Variants in PHLDB3 observed in about 807,000 individuals in gnomAD.
PHLDB3 encodes pleckstrin homology-like domain family B member 3.
In PHLDB3, 86 loss-of-function variants were observed where a neutral mutation model predicts 85.7. The observed-to-expected ratio is 1.00, with a 90% CI of 0.84 to 1.20. PHLDB3 has a LOEUF of 1.20. PHLDB3 is among the 50% of genes most tolerant of loss of function. The pLI is 0.00. For missense variants in PHLDB3, 995 were observed against 873.0 expected (o/e 1.14, Z -1.76); for synonymous variants, 376 against 349.8 (o/e 1.07, Z -0.83).
chr19:43,475,210 G>A lies in PHLDB3; in HGVS notation c.*200C>T, dbSNP rs944957035. The A allele has an allele frequency of 1.1e-5, 7 of 661,546 alleles. No individual in the cohort carries two copies. Among genetic ancestry groups the A allele is most frequent in the Admixed American group, 6.3e-5 (2 of 31,568 alleles). 41.0% of individuals were successfully genotyped at this position (661,546 alleles called of 1,614,324 possible). On this transcript the variant is annotated 3_prime_UTR_variant, in exon 16 of 16. Coordinates refer to ENST00000292140, the MANE Select transcript of PHLDB3 (RefSeq NM_198850.4). ...GCCCCGGGCAGGGCCTTAGGGGCCGGCGATCCCGTCGGGGGCAAGGCACCT... is the reference window on the plus strand; with the variant it reads ...GCCCCGGGCAGGGCCTTAGGGGCCGACGATCCCGTCGGGGGCAAGGCACCT...
intron 4 of PHLDB3, chr19:43,501,444 C>CAAAGT: frequency 4.4e-6 from 2 of 455,994 alleles, no homozygotes; most frequent in South Asian, 5.0e-5. Context: ...CTCGGCCTCC[C>CAAAGT]AAAGTGCTAT....
At chr19:43,495,190 G>A (rs1313137218) in intron 8 of PHLDB3, 66 bp downstream of exon 8, 2 of 1,475,932 alleles carry the variant, frequency 1.4e-6, no homozygotes, top group Admixed American at 1.9e-5. Flanking sequence ...TGAGGGAGGA[G>A]GGGCTGGGGA....
intron 9 of PHLDB3, among the ~76,000 whole-genome samples, chr19:43,487,795 T>C (rs1237380804): frequency 6.6e-6 from 1 of 151,994 alleles, no homozygotes; most frequent in African/African-American, 2.4e-5. Flanking sequence ...GACACAGAAC[T>C]GTACATTTTA....
chr19:43,497,094 C>T, intron 6 of PHLDB3, 24 bp downstream of exon 6: 1 of 1,428,606 alleles, frequency 7.0e-7, no homozygotes. Flanking sequence ...GCAAGGGGGG[C>T]AGCGCTGGTC....
chr19:43,497,891 A>T lies in PHLDB3; in HGVS notation c.535-15T>A. On this transcript the variant is annotated splice_polypyrimidine_tract_variant and intron_variant, in intron 4 of 15. Coordinates refer to ENST00000292140, the MANE Select transcript of PHLDB3 (RefSeq NM_198850.4). The stretch of plus-strand genomic sequence containing the variant: ...CGCCTCTGTTCCTGAAAGAACAACA[A>T]GGTTCTCACCCTCAGCTTAAGCATA... The T allele has an allele frequency of 6.3e-7, 1 of 1,588,574 alleles. No individual in the cohort carries two copies. Among genetic ancestry groups the T allele is most frequent in the Non-Finnish European group, 8.6e-7 (1 of 1,168,414 alleles).
chr19:43,485,902 G>A, intron 13 of PHLDB3: 3 of 916,776 alleles, frequency 3.3e-6, no homozygotes, highest in Non-Finnish European at 2.6e-6. Context: ...TGGGCATGGT[G>A]GTTCACGCTA....
At chr19:43,482,150 A>T (rs961814203) in intron 13 of PHLDB3, among the ~76,000 whole-genome samples, 2 of 152,022 alleles carry the variant, frequency 1.3e-5, no homozygotes, top group Admixed American at 1.3e-4. Flanking sequence ...AGAAGAGGTG[A>T]CTCTCCAAGG....
chr19:43,489,267 T>C (rs1396338508), intron 9 of PHLDB3, among the ~76,000 whole-genome samples: 1 of 151,964 alleles, frequency 6.6e-6, no homozygotes, highest in Non-Finnish European at 1.5e-5. Flanking sequence ...CTCAGGAGGC[T>C]GAGGTGGGAG....
chr19:43,491,954 T>TG (rs923678098), intron 9 of PHLDB3, among the ~76,000 whole-genome samples: 5 of 144,406 alleles, frequency 3.5e-5, no homozygotes, highest in Non-Finnish European at 6.0e-5. Flanking sequence ...CGTTTTTTTT[T>TG]TTTTGTTTTT....
chr19:43,475,453 A>G lies in PHLDB3; in HGVS notation c.1880T>C (p.Met627Thr). The G allele has an allele frequency of 1.2e-6, 2 of 1,613,980 alleles. No individual in the cohort carries two copies. The highest frequency in any genetic ancestry group is 1.7e-6 in the Non-Finnish European group (2 of 1,179,876). Residue 627 changes from methionine to threonine, a missense_variant, in exon 16 of 16, where the codon ATG becomes ACG. By Grantham distance (81) the Met-to-Thr change is moderately conservative. Coordinates refer to ENST00000292140, the MANE Select transcript of PHLDB3 (RefSeq NM_198850.4). ...GTCAGCGGCGGTCACGATGACGTCC[A>G]TCCAAATGCGCATGGCTTCGGGGCT... ...APSPEAMRIWMDVIVTAADEN... is the reference protein window; with the variant it reads ...APSPEAMRIWTDVIVTAADEN...
chr19:43,488,843 A>G (rs1971245666), intron 9 of PHLDB3, among the ~76,000 whole-genome samples: 1 of 149,982 alleles, frequency 6.7e-6, no homozygotes, highest in Admixed American at 6.7e-5. Flanking sequence ...TCTGTTGCCC[A>G]GGCTGGAGTG....
intron 9 of PHLDB3, among the ~76,000 whole-genome samples, chr19:43,493,496 G>A (rs905455823): frequency 3.3e-5 from 5 of 151,806 alleles, no homozygotes; most frequent in African/African-American, 9.7e-5. Flanking sequence ...AATCAGCTGT[G>A]TATGGTGGTG....
chr19:43,476,438 A>C (rs1431899866), intron 15 of PHLDB3, among the ~76,000 whole-genome samples: 2 of 152,106 alleles, frequency 1.3e-5, no homozygotes, highest in African/African-American at 4.8e-5. Context: ...TGAACTCAGG[A>C]GTTCAAGACC....
chr19:43,478,314 C>T (rs967363064), intron 14 of PHLDB3, among the ~76,000 whole-genome samples, 182 bp from the exon 15 acceptor site: 7 of 151,966 alleles, frequency 4.6e-5, no homozygotes, highest in Admixed American at 2.0e-4. Context: ...GGAGACTGGG[C>T]ACAGAAACTG....
intron 12 of PHLDB3, 47 bp downstream of exon 12, chr19:43,486,562 A>G: frequency 6.3e-7 from 1 of 1,575,698 alleles, no homozygotes; most frequent in South Asian, 1.2e-5. Context: ...GAGGGAGGAG[A>G]GGCTGGGGCA....
intron 1 of PHLDB3, 84 bp from the exon 2 acceptor site, chr19:43,504,216 ACC>A: frequency 5.0e-6 from 6 of 1,194,526 alleles, no homozygotes; most frequent in African/African-American, 1.6e-5. Context: ...GGGCGCGGAG[ACC>A]CCCCCCCAAG....
chr19:43,484,370 C>G (rs1971109380), intron 13 of PHLDB3, among the ~76,000 whole-genome samples: 2 of 149,514 alleles, frequency 1.3e-5, no homozygotes, highest in South Asian at 4.2e-4. Context: ...AATTAATAAT[C>G]TCATAAGATG....
rs73043604 is a variant in PHLDB3 at position 43,478,116 on chromosome 19, C to T, written c.1719G>A (p.Lys573=). 9.7e-4 allele frequency: 1,566 copies of T among 1,613,148 alleles called. 3 individuals carry two copies. Among genetic ancestry groups the T allele is most frequent in the Non-Finnish European group, 1.2e-3 (1,467 of 1,179,242 alleles). Reference sequence around the variant, plus strand: ...CCTGGAAGTAGATGACACCTTTGAGCTTGGTCTCTTCCTTGTCTGGTAGGG... The same window carrying T: ...CCTGGAAGTAGATGACACCTTTGAGTTTGGTCTCTTCCTTGTCTGGTAGGG... The part of the protein sequence containing the change: ...LAYYADKEET[K]LKGVIYFQAI... Residue 573 remains lysine (K), a synonymous_variant, in exon 15 of 16, where the codon AAG becomes AAA. Transcript: ENST00000292140.
Position 43,479,753 on chromosome 19 carries a change from G to T in PHLDB3, c.1486-160C>A, listed in dbSNP as rs574565254. Among the ~76,000 whole-genome samples, 9 of 152,274 alleles carry T rather than the reference G, an allele frequency of 5.9e-5. No individual in the cohort carries two copies. The South Asian group carries it at 1.9e-3, about 32-fold the overall frequency. On this transcript the variant is annotated intron_variant, in intron 13 of 15. Coordinates refer to ENST00000292140, the MANE Select transcript of PHLDB3 (RefSeq NM_198850.4). ...ACCATCTGACAAATGCAACGGCTAC[G>T]TGGATTGACTGTGATGCTCTGCCCA...
Sources: gnomAD v4.1 joint callset for allele counts (sites outside exome capture counted in the v4.1 genomes callset) on GRCh38, gnomAD v4.1.1 for gene constraint, MANE v1.5 for transcripts, NCBI Gene and HGNC (gene_info 2026-07-23, HGNC 2026-07-21) for gene names.